The following DLGAP2 variants were observed in gnomAD, a reference collection of about 807,000 sequenced individuals.
DLGAP2 encodes DLG associated protein 2, also known as disks large-associated protein 2.
Under a neutral mutation model 100.3 loss-of-function variants are expected in DLGAP2, and 26 were observed. The ratio of observed to expected loss-of-function variants is 0.26; its 90% CI spans 0.19 to 0.36. The LOEUF (loss-of-function observed/expected upper bound fraction) is 0.36. DLGAP2 is among the 10% of genes least tolerant of loss of function. The pLI, the probability that DLGAP2 is intolerant of heterozygous loss-of-function variation, is 1.00. For missense variants in DLGAP2, 1,858 were observed against 1,453.2 expected (o/e 1.28, Z -4.53); for synonymous variants, 886 against 630.1 (o/e 1.41, Z -6.08).
At chr8:1,210,606 G>T (rs952688814) in intron 2 of DLGAP2, among the ~76,000 whole-genome samples, 3 of 152,204 alleles carry the variant, frequency 2.0e-5, no homozygotes, top group Admixed American at 6.5e-5. Flanking sequence ...GTATGGCATG[G>T]AGGGGCTCCC....
At chr8:1,311,190 A>C (rs1800606099) in intron 3 of DLGAP2, among the ~76,000 whole-genome samples, 2 of 152,254 alleles carry the variant, frequency 1.3e-5, no homozygotes, top group African/African-American at 4.8e-5. Flanking sequence ...TGACATGGAC[A>C]AATTTATATA....
chr8:1,275,910 T>C (rs1404476006), intron 3 of DLGAP2, among the ~76,000 whole-genome samples: 12 of 125,168 alleles, frequency 9.6e-5, no homozygotes, highest in Admixed American at 6.8e-4. Context: ...ATATATATAA[T>C]ATATAAATAA....
chr8:1,509,969 A>G (rs1389525351), intron 4 of DLGAP2, among the ~76,000 whole-genome samples: 3 of 152,168 alleles, frequency 2.0e-5, no homozygotes, highest in Non-Finnish European at 4.4e-5. Flanking sequence ...AATACTCCAG[A>G]CAGATGTCCA....
chr8:973,436 G>C (rs1800073790), intron 2 of DLGAP2, among the ~76,000 whole-genome samples: 2 of 151,946 alleles, frequency 1.3e-5, no homozygotes, highest in African/African-American at 4.8e-5. Context: ...TCCCAGACGG[G>C]GTCACGGCCG....
intron 3 of DLGAP2, among the ~76,000 whole-genome samples, chr8:1,362,448 T>C (rs7833517): frequency 0.68 from 102,819 of 151,104 alleles, 35,847 homozygotes; most frequent in East Asian, 0.95. Flanking sequence ...CGGTAAGGGC[T>C]GGCGTGGTCC....
chr8:738,697 G>GCTGGGCTGGGCTGGA (rs1554552807), intron 1 of DLGAP2: 9 of 153,056 alleles, frequency 5.9e-5, no homozygotes, highest in Non-Finnish European at 7.3e-5. Flanking sequence ...GCTGGGCTGG[G>GCTGGGCTGGGCTGGA]CTGGGCTGGA....
At position 1,549,013 on chromosome 8, in the gene DLGAP2, G is replaced by A; in HGVS notation, c.560G>A (p.Arg187His). Residue 187 changes from arginine (R) to histidine (H), a missense_variant, in exon 5 of 15, where the codon CGC becomes CAC. Coordinates refer to ENST00000637795, the MANE Select transcript of DLGAP2 (RefSeq NM_001346810.2). ...AVAHAGAKIN[R>H]IPANLLDQFE... ...GCCCACGCGGGCGCCAAGATCAACC[G>A]CATCCCGGCCAACCTGCTGGACCAG... 2 of 1,597,380 alleles carry A rather than the reference G, an allele frequency of 1.3e-6. No homozygotes were observed. Among genetic ancestry groups the A allele is most frequent in the Non-Finnish European group, 8.5e-7 (1 of 1,177,772 alleles).
intron 3 of DLGAP2, among the ~76,000 whole-genome samples, chr8:1,459,538 C>T (rs1281556091): frequency 6.6e-6 from 1 of 152,172 alleles, no homozygotes; most frequent in South Asian, 2.1e-4. Context: ...CTCATTTCTT[C>T]TTCAAATTAA....
In DLGAP2 at chr8:1,379,934, C is replaced by G. The variant is rs541699758; in HGVS notation, c.106+121051C>G. ...TGGGGGCCTGATTTTGGGGTGCCCT[C>G]CCTTCCCTCCCCTCCTGCTCGGTGG... is the stretch of plus-strand genomic sequence containing the variant. On this transcript the variant is annotated intron_variant, in intron 3 of 14. Coordinates refer to ENST00000637795, the MANE Select transcript of DLGAP2 (RefSeq NM_001346810.2). Among the ~76,000 whole-genome samples the G allele has an allele frequency of 6.8e-5, 10 of 146,456 alleles. No homozygotes were observed. In the South Asian group the frequency reaches 2.1e-3, roughly 30 times the overall value.
chr8:1,288,603 TG>T (rs1799991568), intron 3 of DLGAP2, among the ~76,000 whole-genome samples: 1 of 143,390 alleles, frequency 7.0e-6, no homozygotes, highest in African/African-American at 2.6e-5. Flanking sequence ...TGTGTGTGTG[TG>T]TGTGGTAGGA....
chr8:1,232,220 A>T (rs1014626024), intron 2 of DLGAP2, among the ~76,000 whole-genome samples: 1 of 152,246 alleles, frequency 6.6e-6, no homozygotes, highest in Non-Finnish European at 1.5e-5. Flanking sequence ...TGCCGGGGTC[A>T]TCAGCCAGCA....
chr8:776,293 A>C (rs1321522751), intron 1 of DLGAP2, among the ~76,000 whole-genome samples: 1 of 152,066 alleles, frequency 6.6e-6, no homozygotes, highest in African/African-American at 2.4e-5. Flanking sequence ...GATCCTTTCA[A>C]GAAACCAGCT....
At chr8:1,644,229 C>T (rs1585027479) in intron 8 of DLGAP2, among the ~76,000 whole-genome samples, 1 of 152,346 alleles carries the variant, frequency 6.6e-6, no homozygotes, top group African/African-American at 2.4e-5. Flanking sequence ...ATCCTGCCTG[C>T]AGGACATTCT....
At chr8:1,653,242 G>A (rs541324484) in intron 8 of DLGAP2, among the ~76,000 whole-genome samples, 12 of 152,202 alleles carry the variant, frequency 7.9e-5, no homozygotes, top group Admixed American at 4.6e-4. Flanking sequence ...CGGGCAGCAC[G>A]TTGGTTCTTG....
At chr8:1,655,654 T>G (rs10448099) in intron 8 of DLGAP2, among the ~76,000 whole-genome samples, 50,849 of 152,098 alleles carry the variant, frequency 0.33, 8,682 homozygotes, top group East Asian at 0.49. Flanking sequence ...CAAAGCCATG[T>G]GAAGTGTAGA....
intron 2 of DLGAP2, among the ~76,000 whole-genome samples, chr8:1,205,365 C>G (rs1797968272): frequency 6.6e-6 from 1 of 151,918 alleles, no homozygotes; most frequent in Non-Finnish European, 1.5e-5. Context: ...AAGGAAGGGT[C>G]CAGAAGTGCA....
At chr8:1,259,311 G>A (rs1378371931) in intron 3 of DLGAP2, among the ~76,000 whole-genome samples, 1 of 152,180 alleles carries the variant, frequency 6.6e-6, no homozygotes. Flanking sequence ...TTTGCTGGCT[G>A]TGAGTGATGT....
intron 3 of DLGAP2, among the ~76,000 whole-genome samples, chr8:1,330,241 G>C (rs933967360): frequency 6.6e-6 from 1 of 152,066 alleles, no homozygotes; most frequent in African/African-American, 2.4e-5. Flanking sequence ...AGTTCTGGGT[G>C]GGAGCACCGC....
intron 6 of DLGAP2, among the ~76,000 whole-genome samples, chr8:1,585,289 C>G (rs150523150): frequency 6.6e-6 from 1 of 152,158 alleles, no homozygotes; most frequent in Non-Finnish European, 1.5e-5. Context: ...ATGGCAAAAC[C>G]CTGTCTGTAC....
Sources: allele counts gnomAD v4.1 joint callset (sites outside exome capture counted in the v4.1 genomes callset), GRCh38; gene constraint gnomAD v4.1.1; transcripts MANE v1.5; gene names NCBI Gene and HGNC (gene_info 2026-07-23, HGNC 2026-07-21).